The following USH2A variants were observed in gnomAD, a reference collection of about 807,000 sequenced individuals.
USH2A encodes usherin, also known as Usher syndrome 2A (autosomal recessive, mild).
USH2A carries 443 observed loss-of-function variants against 538.9 expected under a neutral mutation model. The observed-to-expected ratio is 0.82, with a 90% confidence interval of 0.76 to 0.89. USH2A has a LOEUF of 0.89. Among genes scored for constraint, USH2A ranks in the 40% least tolerant of loss-of-function variants. The pLI is 0.00. For synonymous variants in USH2A, 2,413 were observed against 2,273.5 expected (o/e 1.06, Z -1.75); for missense variants, 6,633 against 6,324.8 (o/e 1.05, Z -1.65).
intron 4 of USH2A, among the ~76,000 whole-genome samples, chr1:216,348,750 G>A (rs1294822160): frequency 6.6e-6 from 1 of 152,010 alleles, no homozygotes; most frequent in Non-Finnish European, 1.5e-5. Context: ...AAAAACTATG[G>A]TACACCTGTT....
intron 21 of USH2A, among the ~76,000 whole-genome samples, chr1:216,147,288 A>G (rs2033727394): frequency 6.6e-6 from 1 of 151,560 alleles, no homozygotes; most frequent in Non-Finnish European, 1.5e-5. Flanking sequence ...CCACCCTATA[A>G]TCTTTTTATC....
chr1:216,406,140 T>C (rs1171580782), intron 3 of USH2A, among the ~76,000 whole-genome samples: 1 of 152,108 alleles, frequency 6.6e-6, no homozygotes, highest in Non-Finnish European at 1.5e-5. Context: ...GATAAAATTT[T>C]AATAAAATCA....
chr1:216,070,327 G>A (rs1253256684), intron 29 of USH2A, 35 bp from the exon 30 acceptor site: 26 of 1,599,602 alleles, frequency 1.6e-5, no homozygotes, highest in Non-Finnish European at 2.1e-5. Context: ...AGGGAAAATG[G>A]CAGTTCTGAG....
At chr1:215,817,877 A>T (rs1043014879) in intron 47 of USH2A, among the ~76,000 whole-genome samples, 1 of 151,766 alleles carries the variant, frequency 6.6e-6, no homozygotes, top group Non-Finnish European at 1.5e-5. Flanking sequence ...TTACATGTAG[A>T]TTTTCTTCCA....
At chr1:215,770,651 T>C (rs1401512915) in intron 55 of USH2A, among the ~76,000 whole-genome samples, 2 of 152,172 alleles carry the variant, frequency 1.3e-5, no homozygotes, top group African/African-American at 2.4e-5. Context: ...TTATTGAGCA[T>C]GTACTACTAG....
intron 21 of USH2A, among the ~76,000 whole-genome samples, chr1:216,157,465 T>C (rs1369175479): frequency 6.6e-6 from 1 of 152,140 alleles, no homozygotes; most frequent in African/African-American, 2.4e-5. Flanking sequence ...ACAGCAATCC[T>C]GTTATACCCA....
At chr1:215,815,176 T>G (rs569531369) in intron 48 of USH2A, among the ~76,000 whole-genome samples, 1 of 152,248 alleles carries the variant, frequency 6.6e-6, no homozygotes, top group South Asian at 2.1e-4. Context: ...ATACCTGTGT[T>G]GCCTCTTTAA....
At chr1:215,743,758 T>C (rs1660383593) in intron 58 of USH2A, among the ~76,000 whole-genome samples, 2 of 149,570 alleles carry the variant, frequency 1.3e-5, no homozygotes, top group South Asian at 4.2e-4. Context: ...AGGCAGAGGT[T>C]GCAGTGAGCT....
At chr1:215,887,663 T>G (rs1005719981) in intron 41 of USH2A, among the ~76,000 whole-genome samples, 1 of 152,240 alleles carries the variant, frequency 6.6e-6, no homozygotes, top group Non-Finnish European at 1.5e-5. Context: ...TGTTTGCTTT[T>G]GGTGGGGGAG....
Position 215,786,729 on chromosome 1 carries a change from A to G in USH2A, c.10328T>C (p.Met3443Thr), listed in dbSNP as rs1661811672. The G allele has an allele frequency of 2.5e-6, 4 of 1,614,008 alleles. No homozygotes were observed. Among genetic ancestry groups the G allele is most frequent in the Non-Finnish European group, 3.4e-6 (4 of 1,179,934 alleles). The change falls in exon 52 of 72, where the codon ATG becomes ACG. Residue 3443 changes from methionine to threonine, a missense_variant. By Grantham distance (81) the Met-to-Thr change is moderately conservative. Coordinates refer to ENST00000307340, the MANE Select transcript of USH2A (RefSeq NM_206933.4). ...AATGGTTTCTTCGGCAGATGAACAC[A>G]TTTCTTCAATTGATGCCTTCCCTGT... ...NSTGKASIEE[M>T]CSSAEETIHT...
chr1:215,803,285 C>A (rs1662395026), intron 49 of USH2A, among the ~76,000 whole-genome samples: 1 of 152,066 alleles, frequency 6.6e-6, no homozygotes, highest in African/African-American at 2.4e-5. Flanking sequence ...CTGGCCAGGG[C>A]AACCAGGCAG....
intron 20 of USH2A, among the ~76,000 whole-genome samples, chr1:216,176,099 C>A (rs1174059038): frequency 6.6e-6 from 1 of 152,170 alleles, no homozygotes; most frequent in Admixed American, 6.5e-5. Flanking sequence ...CACGAGTTTG[C>A]CAAAACTTTG....
intron 37 of USH2A, among the ~76,000 whole-genome samples, chr1:215,960,774 G>A (rs546679314): frequency 7.5e-4 from 114 of 152,040 alleles, no homozygotes; most frequent in Non-Finnish European, 1.1e-3. Flanking sequence ...TGCTCTCTCC[G>A]TCATTCTCTT....
intron 44 of USH2A, among the ~76,000 whole-genome samples, chr1:215,848,360 C>T (rs1386058017): frequency 1.3e-5 from 2 of 152,204 alleles, no homozygotes; most frequent in Non-Finnish European, 2.9e-5. Flanking sequence ...TTTCAAACTT[C>T]ACTTACGTAT....
Position 216,175,246 on chromosome 1 carries a change from A to T in USH2A, c.4627+6T>A. On this transcript the variant is annotated splice_donor_region_variant and intron_variant, in intron 21 of 71. Transcript: ENST00000307340. ...TCCTAAATAAAGCAATGTCAAACACACTTACCAGTGAAGTCTGTATTGACT... is the reference window on the plus strand; with the variant it reads ...TCCTAAATAAAGCAATGTCAAACACTCTTACCAGTGAAGTCTGTATTGACT... The T allele has an allele frequency of 6.2e-7, 1 of 1,613,624 alleles. No individual in the cohort carries two copies. Among genetic ancestry groups the T allele is most frequent in the East Asian group, 2.2e-5 (1 of 44,748 alleles).
chr1:216,056,917 A>C (rs2030995889), intron 30 of USH2A, among the ~76,000 whole-genome samples: 1 of 152,200 alleles, frequency 6.6e-6, no homozygotes, highest in South Asian at 2.1e-4. Flanking sequence ...AGAAAACAGA[A>C]AAGTCTGGCT....
At chr1:215,720,394 G>C (rs2102706289) in intron 61 of USH2A, among the ~76,000 whole-genome samples, 1 of 152,270 alleles carries the variant, frequency 6.6e-6, no homozygotes, top group East Asian at 1.9e-4. Context: ...GAAATTCATA[G>C]GACAATTTTG....
At chr1:215,779,118 A>C (rs1217098743) in intron 55 of USH2A, among the ~76,000 whole-genome samples, 5 of 152,172 alleles carry the variant, frequency 3.3e-5, no homozygotes, top group Non-Finnish European at 5.9e-5. Context: ...AAACACTAAA[A>C]TATCAGGCAG....
Position 215,974,589 on chromosome 1 carries a change from A to G in USH2A, c.6806-3813T>C, listed in dbSNP as rs1667576771. Among the ~76,000 whole-genome samples the G allele has an allele frequency of 2.0e-5, 3 of 152,086 alleles. No individual in the cohort carries two copies. The South Asian group carries it at 6.2e-4, about 32-fold the overall frequency. Reference sequence around the variant, plus strand: ...CCACTTATAAATGAGAATATGCAATATTTGTTTTTTTGTTCTTGTATTAAT... The same window carrying G: ...CCACTTATAAATGAGAATATGCAATGTTTGTTTTTTTGTTCTTGTATTAAT... On this transcript the variant is annotated intron_variant, in intron 35 of 71. Transcript: ENST00000307340.
Sources: allele counts gnomAD v4.1 joint callset (sites outside exome capture counted in the v4.1 genomes callset), GRCh38; gene constraint gnomAD v4.1.1; transcripts MANE v1.5; gene names NCBI Gene and HGNC (gene_info 2026-07-23, HGNC 2026-07-21).